The following TMEM132D variants were observed in gnomAD, a reference collection of about 807,000 sequenced individuals.
TMEM132D encodes mature OL transmembrane protein.
A neutral mutation model predicts 62.3 loss-of-function variants in TMEM132D; 21 were observed. The observed-to-expected ratio is 0.34, with a 90% CI of 0.24 to 0.49. The LOEUF is 0.49. Ranked by LOEUF, TMEM132D falls within the 20% of genes least tolerant of loss-of-function variation. The probability of loss-of-function intolerance (pLI) is 0.99; values close to 1 mark genes in which losing one functional copy is unlikely to be tolerated. For missense variants in TMEM132D, 1,346 were observed against 1,402.8 expected (o/e 0.96, Z 0.65); for synonymous variants, 621 against 575.6 (o/e 1.08, Z -1.13).
chr12:129,167,587 A>G (rs927494029), intron 5 of TMEM132D, among the ~76,000 whole-genome samples: 1 of 152,104 alleles, frequency 6.6e-6, no homozygotes, highest in African/African-American at 2.4e-5. Context: ...AAGAAAGATC[A>G]GGGGACCTTT....
At chr12:129,079,384 C>T (rs1874383019) in intron 7 of TMEM132D, among the ~76,000 whole-genome samples, 1 of 152,146 alleles carries the variant, frequency 6.6e-6, no homozygotes, top group Non-Finnish European at 1.5e-5. Flanking sequence ...CAACCCAAAG[C>T]CTCATTTCTC....
chr12:129,190,465 T>G (rs112924834), intron 5 of TMEM132D, among the ~76,000 whole-genome samples: 1 of 32,932 alleles, frequency 3.0e-5, no homozygotes. Context: ...GGCCTGCAGA[T>G]GGAGGGAGGG....
intron 2 of TMEM132D, among the ~76,000 whole-genome samples, chr12:129,561,764 T>C (rs921047441): frequency 1.3e-5 from 2 of 152,194 alleles, no homozygotes; most frequent in African/African-American, 4.8e-5. Flanking sequence ...TCTGTCCAGA[T>C]AAGAAATCAG....
rs372057184 is a variant in TMEM132D at position 129,594,926 on chromosome 12, C to T, written c.969-63721G>A. ...CAGGAATGAACACAATGCAAATATA[C>T]CTTGTTCAATAGACTCAGGGTTTAT... On this transcript the variant is annotated intron_variant, in intron 2 of 8. Coordinates refer to ENST00000422113, the MANE Select transcript of TMEM132D (RefSeq NM_133448.3). 4.5e-4 allele frequency among the ~76,000 whole-genome samples: 69 copies of T among 152,276 alleles called. 1 individual carries two copies. In the South Asian group the frequency reaches 0.013, roughly 28 times the overall value.
At chr12:129,770,257 C>A (rs1227363266) in intron 1 of TMEM132D, among the ~76,000 whole-genome samples, 1 of 149,856 alleles carries the variant, frequency 6.7e-6, no homozygotes, top group Non-Finnish European at 1.5e-5. Context: ...GATTGTCCTG[C>A]CTCAGCCTCC....
intron 4 of TMEM132D, among the ~76,000 whole-genome samples, chr12:129,313,593 C>A (rs1882035322): frequency 1.4e-5 from 2 of 146,868 alleles, no homozygotes; most frequent in East Asian, 3.9e-4. Flanking sequence ...ATATAAGTTT[C>A]TTTATCCATT....
At chr12:129,464,219 T>C (rs898907111) in intron 3 of TMEM132D, among the ~76,000 whole-genome samples, 1 of 152,206 alleles carries the variant, frequency 6.6e-6, no homozygotes, top group Non-Finnish European at 1.5e-5. Context: ...ATTTCTCTGA[T>C]GGCCAGTGAT....
At chr12:129,621,077 C>A (rs1168617298) in intron 2 of TMEM132D, among the ~76,000 whole-genome samples, 1 of 152,190 alleles carries the variant, frequency 6.6e-6, no homozygotes. Context: ...GAGGTTGACA[C>A]CCCTCCATGG....
chr12:129,512,492 A>G (rs1330229878), intron 3 of TMEM132D, among the ~76,000 whole-genome samples: 1 of 152,234 alleles, frequency 6.6e-6, no homozygotes, highest in Non-Finnish European at 1.5e-5. Flanking sequence ...AACATTGGTG[A>G]CATCTTCTAA....
intron 5 of TMEM132D, among the ~76,000 whole-genome samples, chr12:129,128,762 C>T (rs1876290152): frequency 6.6e-6 from 1 of 152,052 alleles, no homozygotes; most frequent in Admixed American, 6.6e-5. Context: ...CTGCCCCCAC[C>T]CTTGGGAGTC....
chr12:129,640,582 G>C (rs1426220545), intron 2 of TMEM132D, among the ~76,000 whole-genome samples: 1 of 152,166 alleles, frequency 6.6e-6, no homozygotes, highest in Non-Finnish European at 1.5e-5. Flanking sequence ...AGCCCCTGGG[G>C]AATCTAGGAG....
intron 3 of TMEM132D, among the ~76,000 whole-genome samples, chr12:129,382,405 C>T (rs1194349645): frequency 3.9e-5 from 6 of 152,312 alleles, no homozygotes; most frequent in South Asian, 2.1e-4. Flanking sequence ...TAGAGACTTG[C>T]TCCAGCAAAA....
chr12:129,731,183 T>A (rs1196110849), intron 1 of TMEM132D, among the ~76,000 whole-genome samples: 1 of 151,956 alleles, frequency 6.6e-6, no homozygotes, highest in Non-Finnish European at 1.5e-5. Context: ...TGAATCACAC[T>A]GTGGCTTCCT....
chr12:129,245,255 T>C (rs1041196000), intron 4 of TMEM132D, among the ~76,000 whole-genome samples: 75 of 152,332 alleles, frequency 4.9e-4, no homozygotes, highest in African/African-American at 1.6e-3. Flanking sequence ...ATGTTTTCAT[T>C]ATCTCCACCG....
chr12:129,720,271 A>G (rs1011045902), intron 1 of TMEM132D, among the ~76,000 whole-genome samples: 1 of 152,172 alleles, frequency 6.6e-6, no homozygotes, highest in Non-Finnish European at 1.5e-5. Flanking sequence ...TTATTCTTAT[A>G]CACTCTACCT....
chr12:129,569,123 C>A (rs772251528), intron 2 of TMEM132D, among the ~76,000 whole-genome samples: 2 of 152,176 alleles, frequency 1.3e-5, no homozygotes, highest in Non-Finnish European at 2.9e-5. Context: ...ACTACTAAAG[C>A]TGCTGACAGC....
chr12:129,820,970 G>A (rs1227880935), intron 1 of TMEM132D, among the ~76,000 whole-genome samples: 2 of 152,156 alleles, frequency 1.3e-5, no homozygotes, highest in African/African-American at 2.4e-5. Context: ...AAGTAGCAAA[G>A]ATTATATGTC....
chr12:129,439,843 T>C (rs1872889192), intron 3 of TMEM132D, among the ~76,000 whole-genome samples: 1 of 152,206 alleles, frequency 6.6e-6, no homozygotes, highest in Admixed American at 6.5e-5. Flanking sequence ...TTTCCTGCCT[T>C]GTGGAAATCA....
chr12:129,334,490 TGGGAA>T (rs2135654289), intron 4 of TMEM132D, among the ~76,000 whole-genome samples: 1 of 152,338 alleles, frequency 6.6e-6, no homozygotes, highest in African/African-American at 2.4e-5. Context: ...CACCTTGCTC[TGGGAA>T]GACTCAGAAC....
Sources: allele counts gnomAD v4.1 joint callset (sites outside exome capture counted in the v4.1 genomes callset), GRCh38; gene constraint gnomAD v4.1.1; transcripts MANE v1.5; gene names NCBI Gene and HGNC (gene_info 2026-07-23, HGNC 2026-07-21).